PRKCB: variants seen among roughly 807,000 people sequenced by gnomAD.
The protein encoded by PRKCB is protein kinase C beta, also known as protein kinase C beta type.
Under a neutral mutation model 81.5 loss-of-function variants are expected in PRKCB, and 13 were observed. The observed-to-expected ratio is 0.16, with a 90% confidence interval of 0.10 to 0.25. PRKCB has a LOEUF of 0.25. PRKCB is among the 10% of genes least tolerant of loss of function. The pLI is 1.00. For missense variants in PRKCB, 509 were observed against 875.7 expected, an observed-to-expected ratio of 0.58 and a Z score of 5.29; for synonymous variants, 335 against 321.4, an observed-to-expected ratio of 1.04 and a Z score of -0.45.
At chr16:24,011,474 G>C (rs763382299) in intron 3 of PRKCB, among the ~76,000 whole-genome samples, 15 of 152,130 alleles carry the variant, frequency 9.9e-5, no homozygotes, top group Non-Finnish European at 1.5e-4. Context: ...CTTGGCTCTG[G>C]TACCTACTAG....
At chr16:24,201,290 ATAGT>A (rs1479648622) in intron 16 of PRKCB, among the ~76,000 whole-genome samples, 3 of 152,188 alleles carry the variant, frequency 2.0e-5, no homozygotes, top group Non-Finnish European at 4.4e-5. Flanking sequence ...AAAAATAATG[ATAGT>A]TAGTATTCAG....
intron 5 of PRKCB, among the ~76,000 whole-genome samples, chr16:24,082,364 A>G (rs189229478): frequency 3.5e-4 from 53 of 152,362 alleles, no homozygotes; most frequent in South Asian, 1.7e-3. Flanking sequence ...CAGTGATTCT[A>G]AAACTTGTAT....
At chr16:24,037,231 C>T (rs562515604) in intron 5 of PRKCB, among the ~76,000 whole-genome samples, 7 of 152,106 alleles carry the variant, frequency 4.6e-5, no homozygotes, top group East Asian at 1.9e-4. Context: ...TCAAGTGATC[C>T]GCCCATCTCG....
At chr16:24,080,426 G>A (rs1177477950) in intron 5 of PRKCB, among the ~76,000 whole-genome samples, 1 of 152,186 alleles carries the variant, frequency 6.6e-6, no homozygotes, top group East Asian at 1.9e-4. Context: ...AGACCAGAAT[G>A]ATTTCTAGAT....
chr16:24,203,615 C>T (rs1335225694), intron 16 of PRKCB, among the ~76,000 whole-genome samples: 2 of 152,142 alleles, frequency 1.3e-5, no homozygotes, highest in Non-Finnish European at 2.9e-5. Context: ...AATTCCAACT[C>T]CACAAAGACT....
intron 3 of PRKCB, among the ~76,000 whole-genome samples, chr16:23,996,414 C>T (rs373940605): frequency 2.0e-5 from 3 of 152,170 alleles, no homozygotes; most frequent in South Asian, 4.1e-4. Context: ...CTGGCTATGG[C>T]CACCGCTGAG....
At chr16:23,972,134 G>A (rs1964565157) in intron 2 of PRKCB, among the ~76,000 whole-genome samples, 1 of 152,116 alleles carries the variant, frequency 6.6e-6, no homozygotes, top group South Asian at 2.1e-4. Context: ...ATACAGACAC[G>A]TGCATGCGCG....
intron 7 of PRKCB, among the ~76,000 whole-genome samples, chr16:24,104,048 GC>G (rs1320957012): frequency 6.6e-6 from 1 of 151,948 alleles, no homozygotes; most frequent in Non-Finnish European, 1.5e-5. Flanking sequence ...CAGGTGATCC[GC>G]CCGCCTCGGC....
At chr16:23,915,573 C>T (rs1036261729) in intron 2 of PRKCB, among the ~76,000 whole-genome samples, 5 of 151,386 alleles carry the variant, frequency 3.3e-5, no homozygotes, top group Admixed American at 2.6e-4. Flanking sequence ...CACCTGTAGT[C>T]CCAGCTACTA....
At chr16:24,110,506 C>CA (rs1377648165) in intron 7 of PRKCB, among the ~76,000 whole-genome samples, 1 of 133,796 alleles carries the variant, frequency 7.5e-6, no homozygotes, top group Non-Finnish European at 1.6e-5. Flanking sequence ...CCACCATGCC[C>CA]AACCTTTTTT....
intron 9 of PRKCB, among the ~76,000 whole-genome samples, chr16:24,138,843 G>GTTT (rs1966875795): frequency 1.8e-5 from 2 of 109,328 alleles, no homozygotes; most frequent in African/African-American, 7.2e-5. Flanking sequence ...TACAGTATTT[G>GTTT]TCTTTTTTTT....
chr16:23,979,874 A>G (rs1411088579), intron 2 of PRKCB, among the ~76,000 whole-genome samples: 1 of 152,212 alleles, frequency 6.6e-6, no homozygotes, highest in Non-Finnish European at 1.5e-5. Flanking sequence ...ACTTGAGGTC[A>G]GGAGTTTGAG....
chr16:24,208,963 T>C (rs946398234), intron 16 of PRKCB, among the ~76,000 whole-genome samples: 4 of 152,188 alleles, frequency 2.6e-5, no homozygotes, highest in Non-Finnish European at 5.9e-5. Flanking sequence ...TCCTCTGTGC[T>C]ATCTCACTTA....
chr16:24,166,591 A>C (rs1009714767), intron 10 of PRKCB, among the ~76,000 whole-genome samples: 1 of 152,196 alleles, frequency 6.6e-6, no homozygotes, highest in Non-Finnish European at 1.5e-5. Flanking sequence ...TCCATGGACT[A>C]CCTAAAATGA....
At chr16:24,071,941 C>T (rs965142285) in intron 5 of PRKCB, among the ~76,000 whole-genome samples, 1 of 152,144 alleles carries the variant, frequency 6.6e-6, no homozygotes, top group Admixed American at 6.5e-5. Flanking sequence ...TCCAGGATCT[C>T]AGCAAGGATG....
intron 16 of PRKCB, among the ~76,000 whole-genome samples, chr16:24,210,754 C>A (rs1968127211): frequency 6.6e-6 from 1 of 152,182 alleles, no homozygotes; most frequent in Non-Finnish European, 1.5e-5. Flanking sequence ...CCATCCTCGG[C>A]CTCTCAAAGT....
At chr16:24,017,892 ATT>A (rs35809970) in intron 3 of PRKCB, among the ~76,000 whole-genome samples, 7 of 113,258 alleles carry the variant, frequency 6.2e-5, no homozygotes, top group African/African-American at 1.4e-4. Context: ...ACCATAACTA[ATT>A]TTTTTTTTTT....
In PRKCB at chr16:23,954,214, G is replaced by T. The variant is rs993906472; in HGVS notation, c.206-34294G>T. 1.8e-4 allele frequency among the ~76,000 whole-genome samples: 28 copies of T among 152,066 alleles called. 1 individual carries two copies. The highest frequency in any genetic ancestry group is 5.9e-5 in the Non-Finnish European group (4 of 68,026). ...TCTGCCCACCTTGGCCTCTCAAAGTGCTGGGATTACAGGCATGAGACACCA... is the reference window on the plus strand; with the variant it reads ...TCTGCCCACCTTGGCCTCTCAAAGTTCTGGGATTACAGGCATGAGACACCA... On this transcript the variant is annotated intron_variant, in intron 2 of 16. Coordinates refer to ENST00000643927, the MANE Select transcript of PRKCB (RefSeq NM_002738.7).
At chr16:24,002,683 G>C (rs183380938) in intron 3 of PRKCB, among the ~76,000 whole-genome samples, 1 of 152,208 alleles carries the variant, frequency 6.6e-6, no homozygotes, top group Non-Finnish European at 1.5e-5. Flanking sequence ...CAGTGGTTAT[G>C]GACAAGATCA....
Sources: gnomAD v4.1 joint callset for allele counts (sites outside exome capture counted in the v4.1 genomes callset) on GRCh38, gnomAD v4.1.1 for gene constraint, MANE v1.5 for transcripts, NCBI Gene and HGNC (gene_info 2026-07-23, HGNC 2026-07-21) for gene names.